SLC35D2: variants seen among roughly 807,000 people sequenced by gnomAD.
SLC35D2 encodes nucleotide sugar transporter SLC35D2.
Under a neutral mutation model 41.8 loss-of-function variants are expected in SLC35D2, and 43 were observed. The observed-to-expected ratio is 1.03, with a 90% CI of 0.81 to 1.33. The LOEUF (loss-of-function observed/expected upper bound fraction) is 1.33. SLC35D2 is among the 40% of genes most tolerant of loss of function. SLC35D2 has a pLI of 0.00. For synonymous variants in SLC35D2, 150 were observed against 163.9 expected (o/e 0.92, Z 0.65); for missense variants, 380 against 408.4 (o/e 0.93, Z 0.60).
chr9:96,369,695 C>T (rs753244605), intron 1 of SLC35D2, among the ~76,000 whole-genome samples: 22 of 152,146 alleles, frequency 1.4e-4, no homozygotes, highest in African/African-American at 2.4e-4. Flanking sequence ...TTTCAGCAAA[C>T]GGCACTGGGT....
At chr9:96,336,584 C>A in intron 9 of SLC35D2, 133 bp downstream of exon 9, 2 of 630,604 alleles carry the variant, frequency 3.2e-6, no homozygotes, top group Non-Finnish European at 2.8e-6. Flanking sequence ...ACCTCCTTTG[C>A]TGCAGGGGTA....
At chr9:96,360,455 C>A (rs1830217398) in intron 3 of SLC35D2, among the ~76,000 whole-genome samples, 1 of 151,550 alleles carries the variant, frequency 6.6e-6, no homozygotes, top group Admixed American at 6.6e-5. Context: ...ACAGCGAAAC[C>A]CCATTTCTAC....
chr9:96,374,372 A>G (rs1830841573), intron 1 of SLC35D2, among the ~76,000 whole-genome samples: 1 of 152,064 alleles, frequency 6.6e-6, no homozygotes, highest in South Asian at 2.1e-4. Flanking sequence ...CGTCTCTACT[A>G]AAAATACAAA....
At chr9:96,362,244 A>C (rs1191014383) in intron 3 of SLC35D2, among the ~76,000 whole-genome samples, 3 of 152,220 alleles carry the variant, frequency 2.0e-5, no homozygotes, top group Admixed American at 2.0e-4. Flanking sequence ...GTAGTGACTC[A>C]AGCCTGCAAT....
At chr9:96,367,553 G>A (rs1830522229) in intron 2 of SLC35D2, among the ~76,000 whole-genome samples, 1 of 152,036 alleles carries the variant, frequency 6.6e-6, no homozygotes, top group Admixed American at 6.6e-5. Context: ...GGCCAAGGTG[G>A]GTGCGGATCG....
intron 1 of SLC35D2, among the ~76,000 whole-genome samples, chr9:96,375,786 G>A (rs1416488991): frequency 6.6e-6 from 1 of 152,102 alleles, no homozygotes; most frequent in Non-Finnish European, 1.5e-5. Context: ...GAGAGGCCAA[G>A]GCAGGTGGAT....
intron 1 of SLC35D2, among the ~76,000 whole-genome samples, chr9:96,381,307 C>T (rs1831189441): frequency 1.3e-5 from 2 of 152,226 alleles, no homozygotes; most frequent in Non-Finnish European, 2.9e-5. Flanking sequence ...TGACACCTTG[C>T]GTGGCTCCCA....
chr9:96,328,890 C>T (rs1243584645), intron 9 of SLC35D2, among the ~76,000 whole-genome samples: 2 of 152,070 alleles, frequency 1.3e-5, no homozygotes, highest in Non-Finnish European at 2.9e-5. Flanking sequence ...TCACAGAGTG[C>T]CAGCCTGGAC....
intron 1 of SLC35D2, among the ~76,000 whole-genome samples, chr9:96,382,496 C>CTCTATATATATATATATATATATA (rs1554719387): frequency 1.6e-5 from 2 of 127,908 alleles, no homozygotes; most frequent in African/African-American, 5.9e-5. Context: ...CACACACACA[C>CTCTATATATATATATATATATATA]TATATATATA....
intron 6 of SLC35D2, among the ~76,000 whole-genome samples, chr9:96,347,521 G>T (rs999211709): frequency 6.6e-6 from 1 of 152,206 alleles, no homozygotes; most frequent in Non-Finnish European, 1.5e-5. Context: ...CTACAGGCAT[G>T]TGCCACCATG....
intron 1 of SLC35D2, among the ~76,000 whole-genome samples, chr9:96,373,179 A>G (rs946254568): frequency 2.6e-5 from 4 of 152,044 alleles, no homozygotes; most frequent in Non-Finnish European, 5.9e-5. Flanking sequence ...AATTACAGGC[A>G]TGAGCCATCA....
intron 9 of SLC35D2, among the ~76,000 whole-genome samples, chr9:96,328,896 T>G (rs1174045204): frequency 6.6e-6 from 1 of 152,078 alleles, no homozygotes; most frequent in East Asian, 1.9e-4. Context: ...AGTGCCAGCC[T>G]GGACAACATG....
intron 4 of SLC35D2, among the ~76,000 whole-genome samples, chr9:96,359,326 T>C (rs1196602510): frequency 3.3e-5 from 5 of 151,234 alleles, no homozygotes; most frequent in Non-Finnish European, 7.4e-5. Context: ...AAAAAAATCA[T>C]TAACAGTGAA....
At chr9:96,374,407 G>A (rs1587723869) in intron 1 of SLC35D2, among the ~76,000 whole-genome samples, 2 of 151,894 alleles carry the variant, frequency 1.3e-5, no homozygotes, top group South Asian at 2.1e-4. Flanking sequence ...AGTGGCTTGC[G>A]CCTGTAGTCC....
intron 9 of SLC35D2, among the ~76,000 whole-genome samples, chr9:96,329,102 A>T (rs185459600): frequency 6.6e-6 from 1 of 152,008 alleles, no homozygotes; most frequent in Non-Finnish European, 1.5e-5. Context: ...AAAAAAAAAA[A>T]AAGACATTAT....
chr9:96,330,786 AAG>A (rs1432261929), intron 9 of SLC35D2, among the ~76,000 whole-genome samples: 5 of 152,196 alleles, frequency 3.3e-5, no homozygotes, highest in African/African-American at 7.2e-5. Flanking sequence ...GATAGCTGCA[AAG>A]AGAGAGGGCC....
Position 96,342,004 on chromosome 9 carries a change from A to AAAAAC in SLC35D2, c.684+1895_684+1899dup, listed in dbSNP as rs1376134837. The stretch of plus-strand genomic sequence containing the variant: ...GAACAGATAAACTCCGCTGATTTAA[A>AAAAAC]AAAACAAAACAAAACAAAAACAAAA... On this transcript the variant is annotated intron_variant, in intron 8 of 11. Transcript: ENST00000253270. 2.4e-3 allele frequency among the ~76,000 whole-genome samples: 369 copies of AAAAAC among 152,032 alleles called. 1 individual carries two copies. Among genetic ancestry groups the AAAAAC allele is most frequent in the African/African-American group, 8.3e-3 (343 of 41,520 alleles).
intron 1 of SLC35D2, among the ~76,000 whole-genome samples, chr9:96,370,749 A>G (rs972720137): frequency 1.3e-5 from 2 of 152,168 alleles, no homozygotes; most frequent in Admixed American, 6.5e-5. Context: ...CTAGAAGAAA[A>G]TTTAATGCAT....
At chr9:96,367,219 C>CAAAAAAAAAAAAAAAAA in intron 2 of SLC35D2, among the ~76,000 whole-genome samples, 1 of 70,994 alleles carries the variant, frequency 1.4e-5, no homozygotes, top group Non-Finnish European at 3.1e-5. Flanking sequence ...GACTCAGTCA[C>CAAAAAAAAAAAAAAAAA]AAAAAAAAAA....
Sources: allele counts gnomAD v4.1 joint callset (sites outside exome capture counted in the v4.1 genomes callset), GRCh38; gene constraint gnomAD v4.1.1; transcripts MANE v1.5; gene names NCBI Gene and HGNC (gene_info 2026-07-23, HGNC 2026-07-21).